The following NTNG2 variants were observed in gnomAD, a reference collection of about 807,000 sequenced individuals.
The protein encoded by NTNG2 is netrin-G2.
In NTNG2, 15 loss-of-function variants were observed where a neutral mutation model predicts 47.6. The observed-to-expected ratio is 0.32, with a 90% confidence interval of 0.21 to 0.49. The LOEUF (loss-of-function observed/expected upper bound fraction) is 0.49. Among genes scored for constraint, NTNG2 ranks in the 20% least tolerant of loss-of-function variants. The pLI is 0.99. For synonymous variants in NTNG2, 307 were observed against 324.6 expected (o/e 0.95, Z 0.58); for missense variants, 578 against 764.6 (o/e 0.76, Z 2.88).
chr9:132,233,722 T>C (rs1841417085), intron 5 of NTNG2: 1 of 152,232 alleles, frequency 6.6e-6, no homozygotes, highest in Admixed American at 6.5e-5. Context: ...GGGTGAGTTC[T>C]CCTGGGCTGT....
intron 3 of NTNG2, among the ~76,000 whole-genome samples, chr9:132,224,131 C>G (rs1412167148): frequency 6.6e-6 from 1 of 152,206 alleles, no homozygotes; most frequent in East Asian, 1.9e-4. Flanking sequence ...CAGTTGAACA[C>G]TGGAAGAGGT....
intron 2 of NTNG2, among the ~76,000 whole-genome samples, chr9:132,196,510 C>A (rs1250229030): frequency 6.6e-6 from 1 of 152,158 alleles, no homozygotes; most frequent in Non-Finnish European, 1.5e-5. Context: ...TGGGTTTTGA[C>A]TCATTCATAA....
At position 132,208,369 on chromosome 9, in the gene NTNG2, G is replaced by A. The variant is rs908201504; in HGVS notation, c.857+9760G>A. Among the ~76,000 whole-genome samples, 1 of 152,210 alleles carries A rather than the reference G, an allele frequency of 6.6e-6. No individual in the cohort carries two copies. Among genetic ancestry groups the A allele is most frequent in the African/African-American group, 2.4e-5 (1 of 41,442 alleles). On this transcript the variant is annotated intron_variant, in intron 3 of 7. Coordinates refer to ENST00000393229, the MANE Select transcript of NTNG2 (RefSeq NM_032536.4). This position sits in a 1 kb window ranked among gnomAD's most constrained non-coding sequence, Gnocchi z 4.0. ...GCCAGCCCTGCAGCCCCGGGAGGAA[G>A]TTGGTTTTGGTTGAAGTTTGGTAGG... is the stretch of plus-strand genomic sequence containing the variant.
intron 2 of NTNG2, among the ~76,000 whole-genome samples, chr9:132,176,113 C>A (rs1836428504): frequency 6.6e-6 from 1 of 152,050 alleles, no homozygotes; most frequent in Admixed American, 6.6e-5. Context: ...CTTTGGGAGG[C>A]CGAGGCAGGA....
intron 3 of NTNG2, among the ~76,000 whole-genome samples, chr9:132,205,293 CCTGACACACG>C (rs1169671921): frequency 6.6e-6 from 1 of 152,150 alleles, no homozygotes; most frequent in African/African-American, 2.4e-5. Context: ...GGAGGGAGAA[CCTGACACACG>C]CTGCGACACA....
intron 2 of NTNG2, among the ~76,000 whole-genome samples, chr9:132,177,720 C>T (rs1290077093): frequency 2.0e-5 from 3 of 152,070 alleles, no homozygotes; most frequent in African/African-American, 7.2e-5. Context: ...TGCAGTGGTG[C>T]GATCTCAGCT....
At chr9:132,174,901 G>T (rs964498695) in intron 2 of NTNG2, among the ~76,000 whole-genome samples, 7 of 116,146 alleles carry the variant, frequency 6.0e-5, no homozygotes, top group Non-Finnish European at 1.1e-4. Flanking sequence ...CAGCCTGGGC[G>T]ACAGAGCAAG....
At chr9:132,171,655 C>T (rs1031733748) in intron 2 of NTNG2, among the ~76,000 whole-genome samples, 2 of 152,232 alleles carry the variant, frequency 1.3e-5, no homozygotes, top group African/African-American at 4.8e-5. Context: ...ATTCCTCCCC[C>T]AGGGGGTCTG....
At position 132,208,980 on chromosome 9, in the gene NTNG2, C is replaced by T. The variant is rs781737333; in HGVS notation, c.857+10371C>T. On this transcript the variant is annotated intron_variant, in intron 3 of 7. Coordinates refer to ENST00000393229, the MANE Select transcript of NTNG2 (RefSeq NM_032536.4). This position sits in a 1 kb window ranked among gnomAD's most constrained non-coding sequence, Gnocchi z 4.0. Reference sequence around the variant, plus strand: ...GGGGTCTCCTTCGTTCTCACTGTGCCTCTGAGGCTTATGGCGTGGCCGCCT... The same window carrying T: ...GGGGTCTCCTTCGTTCTCACTGTGCTTCTGAGGCTTATGGCGTGGCCGCCT... Among the ~76,000 whole-genome samples the T allele has an allele frequency of 1.3e-5, 2 of 152,128 alleles. No homozygotes were observed. The highest frequency in any genetic ancestry group is 2.9e-5 in the Non-Finnish European group (2 of 68,040).
At chr9:132,169,705 C>T (rs1008689050) in intron 2 of NTNG2, among the ~76,000 whole-genome samples, 2 of 152,226 alleles carry the variant, frequency 1.3e-5, no homozygotes, top group Non-Finnish European at 2.9e-5. Context: ...AGGAGTGTCA[C>T]GGTGCTGGCG....
intron 2 of NTNG2, among the ~76,000 whole-genome samples, chr9:132,169,921 A>T (rs1472598135): frequency 6.6e-6 from 1 of 152,200 alleles, no homozygotes; most frequent in Non-Finnish European, 1.5e-5. Context: ...CATGTGGAAG[A>T]TGCAGGCTGG....
chr9:132,164,035 C>T (rs960637730), intron 1 of NTNG2, among the ~76,000 whole-genome samples: 11 of 152,184 alleles, frequency 7.2e-5, no homozygotes, highest in African/African-American at 2.7e-4. Flanking sequence ...ACTCTCTGCG[C>T]TCCTCCTCGT....
chr9:132,166,766 C>A lies in NTNG2; in HGVS notation c.-66C>A, dbSNP rs540704298. 2 of 1,509,716 alleles carry A rather than the reference C, an allele frequency of 1.3e-6. No individual in the cohort carries two copies. The highest frequency in any genetic ancestry group is 2.3e-5 in the East Asian group (1 of 44,292). The allele number at this position is 1,509,716 out of a possible 1,614,324, so 93.5% of individuals were successfully genotyped here. A position where few individuals can be genotyped will look rare whatever the true frequency, so the allele number is the denominator to read the frequency against. The stretch of plus-strand genomic sequence containing the variant: ...GCATTTCCATGCTGAGGCCGCGAGT[C>A]CCGCCTGACCCCGTCGCTGCCTCTC... On this transcript the variant is annotated 5_prime_UTR_variant, in exon 2 of 8. Transcript: ENST00000393229.
At chr9:132,173,692 AGACGGATG>A (rs1448186620) in intron 2 of NTNG2, among the ~76,000 whole-genome samples, 13 of 149,576 alleles carry the variant, frequency 8.7e-5, no homozygotes, top group African/African-American at 2.7e-4. Flanking sequence ...GCTGCGGATG[AGACGGATG>A]GATGGACAGA....
chr9:132,235,510 G>A (rs183112777), intron 5 of NTNG2, among the ~76,000 whole-genome samples: 87 of 152,346 alleles, frequency 5.7e-4, no homozygotes, highest in African/African-American at 2.0e-3. Flanking sequence ...CCTTTGGCCA[G>A]TGTAGACAGA....
intron 3 of NTNG2, among the ~76,000 whole-genome samples, chr9:132,219,688 G>C (rs1840227874): frequency 6.6e-6 from 1 of 152,084 alleles, no homozygotes; most frequent in African/African-American, 2.4e-5. Context: ...TCATAGTGTG[G>C]ATCAGTATTT....
At position 132,163,397 on chromosome 9, in the gene NTNG2, C is replaced by T. The variant is rs1334600708; in HGVS notation, c.-484+1158C>T. On this transcript the variant is annotated intron_variant, in intron 1 of 7. Coordinates refer to ENST00000393229, the MANE Select transcript of NTNG2 (RefSeq NM_032536.4). The surrounding 1 kb of genome is among the most constrained non-coding windows in gnomAD (Gnocchi z 7.2). ...GGGGACCCAGGGGCCGGATAAAGGG[C>T]CCGCTCCGGAGCGGGGGGACACCCG... 2.0e-5 allele frequency among the ~76,000 whole-genome samples: 3 copies of T among 151,708 alleles called. No homozygotes were observed. The highest frequency in any genetic ancestry group is 7.3e-5 in the African/African-American group (3 of 41,350).
chr9:132,226,907 G>A lies in NTNG2; in HGVS notation c.916G>A (p.Glu306Lys), dbSNP rs887475720. 1.6e-5 allele frequency: 26 copies of A among 1,612,654 alleles called. No homozygotes were observed. Among genetic ancestry groups the A allele is most frequent in the Non-Finnish European group, 2.0e-5 (24 of 1,179,710 alleles). Residue 306 changes from glutamate to lysine, a missense_variant, in exon 4 of 8, where the codon GAG becomes AAG. By Grantham distance (56) the Glu-to-Lys change is moderately conservative. Coordinates refer to ENST00000393229, the MANE Select transcript of NTNG2 (RefSeq NM_032536.4). The surrounding 1 kb of genome is among the most constrained non-coding windows in gnomAD (Gnocchi z 4.8). ...CATGCGCGAGGGCAGCCTGCAGTGC[G>A]AGTGCGAGCACAACACCACCGGCCC... Reference protein sequence around the residue: ...CSMREGSLQCECEHNTTGPDC... With the variant: ...CSMREGSLQCKCEHNTTGPDC...
intron 3 of NTNG2, among the ~76,000 whole-genome samples, chr9:132,204,509 A>AC (rs1839019643): frequency 6.6e-6 from 1 of 151,866 alleles, no homozygotes; most frequent in Admixed American, 6.6e-5. Context: ...CTATTCCTGT[A>AC]CCCACCCTCC....
Sources: allele counts gnomAD v4.1 joint callset (sites outside exome capture counted in the v4.1 genomes callset), GRCh38; gene constraint gnomAD v4.1.1; non-coding constraint Gnocchi (gnomAD v3.1); transcripts MANE v1.5; gene names NCBI Gene and HGNC (gene_info 2026-07-23, HGNC 2026-07-21).